The following CCSER1 variants were observed in gnomAD, a reference collection of about 807,000 sequenced individuals.
CCSER1 encodes serine-rich coiled-coil domain-containing protein 1.
Under a neutral mutation model 82.0 loss-of-function variants are expected in CCSER1, and 41 were observed. The ratio of observed to expected loss-of-function variants is 0.50; its 90% CI spans 0.39 to 0.65. The LOEUF (loss-of-function observed/expected upper bound fraction) is 0.65. CCSER1 is among the 30% of genes least tolerant of loss of function. The pLI, the probability that CCSER1 is intolerant of heterozygous loss-of-function variation, is 0.00. For missense variants in CCSER1, 1,119 were observed against 1,064.2 expected, an observed-to-expected ratio of 1.05 and a Z score of -0.72; for synonymous variants, 414 against 383.9, an observed-to-expected ratio of 1.08 and a Z score of -0.92.
intron 5 of CCSER1, among the ~76,000 whole-genome samples, chr4:90,566,447 G>T (rs1023355952): frequency 5.3e-5 from 8 of 150,928 alleles, no homozygotes; most frequent in African/African-American, 1.9e-4. Context: ...AAAAAAAGTA[G>T]CTAAGCCATC....
chr4:91,292,017 A>T (rs1178821212), intron 10 of CCSER1, among the ~76,000 whole-genome samples: 1 of 152,010 alleles, frequency 6.6e-6, no homozygotes, highest in Non-Finnish European at 1.5e-5. Flanking sequence ...TTAAAGCATC[A>T]TGTCCTCTTC....
intron 2 of CCSER1, 51 bp from the exon 3 acceptor site, chr4:90,312,812 A>C: frequency 7.3e-7 from 1 of 1,365,198 alleles, no homozygotes; most frequent in Non-Finnish European, 1.0e-6. Context: ...ACATTTGTAA[A>C]AACTACATTT....
At chr4:91,165,693 C>T (rs1031303896) in intron 10 of CCSER1, among the ~76,000 whole-genome samples, 18 of 152,242 alleles carry the variant, frequency 1.2e-4, no homozygotes, top group South Asian at 2.1e-4. Flanking sequence ...CAGACTGCTG[C>T]GCTAGCAGTC....
intron 10 of CCSER1, among the ~76,000 whole-genome samples, chr4:91,135,194 T>C (rs1371673561): frequency 6.6e-6 from 1 of 152,190 alleles, no homozygotes; most frequent in Admixed American, 6.5e-5. Flanking sequence ...CAAGTCAACA[T>C]ATTTTTAATA....
intron 10 of CCSER1, among the ~76,000 whole-genome samples, chr4:91,242,600 A>G (rs1739455149): frequency 6.6e-6 from 1 of 152,196 alleles, no homozygotes; most frequent in Non-Finnish European, 1.5e-5. Flanking sequence ...TGAGTTTTAG[A>G]TACAATACCA....
intron 10 of CCSER1, among the ~76,000 whole-genome samples, chr4:91,229,340 G>C (rs1738443525): frequency 6.7e-6 from 1 of 148,744 alleles, no homozygotes; most frequent in Non-Finnish European, 1.5e-5. Flanking sequence ...ATTACTTCTA[G>C]ATATGTTTTG....
At chr4:90,225,107 A>G (rs1044566758) in intron 1 of CCSER1, among the ~76,000 whole-genome samples, 3 of 151,486 alleles carry the variant, frequency 2.0e-5, no homozygotes, top group Admixed American at 1.3e-4. Flanking sequence ...TCCATTGCCC[A>G]GGCTGGAGTG....
intron 8 of CCSER1, among the ~76,000 whole-genome samples, chr4:90,920,393 C>T (rs1728203996): frequency 6.6e-6 from 1 of 151,980 alleles, no homozygotes; most frequent in African/African-American, 2.4e-5. Context: ...TGAGTTACCA[C>T]TCTAATCTCA....
intron 10 of CCSER1, among the ~76,000 whole-genome samples, chr4:91,353,335 C>T (rs569442919): frequency 6.6e-6 from 1 of 152,246 alleles, no homozygotes; most frequent in African/African-American, 2.4e-5. Flanking sequence ...GCTGCATGCA[C>T]CAGTGGTCAG....
At chr4:90,810,832 CTT>C (rs375997127) in intron 7 of CCSER1, among the ~76,000 whole-genome samples, 5 of 113,586 alleles carry the variant, frequency 4.4e-5, no homozygotes, top group African/African-American at 6.9e-5. Context: ...AAGAGTAATT[CTT>C]TTTTTTTTTT....
Position 90,345,490 on chromosome 4 carries a change from A to G in CCSER1, c.1509+32443A>G, listed in dbSNP as rs534339473. 8.5e-5 allele frequency among the ~76,000 whole-genome samples: 13 copies of G among 152,202 alleles called. 1 individual carries two copies. In the South Asian group the frequency reaches 2.5e-3, roughly 29 times the overall value. ...AACAAATTTTAAATTCTACTTGGTT[A>G]TTCTCAGGACCAAAAGGTGATAATT... On this transcript the variant is annotated intron_variant, in intron 3 of 10. Coordinates refer to ENST00000509176, the MANE Select transcript of CCSER1 (RefSeq NM_001145065.2).
intron 5 of CCSER1, among the ~76,000 whole-genome samples, chr4:90,560,432 T>C (rs1723430476): frequency 6.6e-6 from 1 of 152,096 alleles, no homozygotes; most frequent in Admixed American, 6.6e-5. Context: ...ATTTTACCGG[T>C]TGGCTCCAAA....
At chr4:90,295,448 A>C (rs1304962373) in intron 1 of CCSER1, among the ~76,000 whole-genome samples, 1 of 152,020 alleles carries the variant, frequency 6.6e-6, no homozygotes, top group African/African-American at 2.4e-5. Flanking sequence ...TTCCTTTTCT[A>C]TAAATTTCCT....
chr4:90,296,332 T>A (rs759783671), intron 1 of CCSER1, among the ~76,000 whole-genome samples: 22 of 152,148 alleles, frequency 1.4e-4, no homozygotes, highest in Non-Finnish European at 2.4e-4. Context: ...CTTTGCCCAC[T>A]TTTTGATGGG....
At chr4:90,959,756 T>TTGG (rs1248169244) in intron 9 of CCSER1, among the ~76,000 whole-genome samples, 1 of 141,188 alleles carries the variant, frequency 7.1e-6, no homozygotes, top group East Asian at 2.1e-4. Flanking sequence ...TTTTTTTTCG[T>TTGG]TTGTTTTCTC....
At chr4:91,016,465 T>C (rs1739440527) in intron 9 of CCSER1, among the ~76,000 whole-genome samples, 1 of 152,030 alleles carries the variant, frequency 6.6e-6, no homozygotes, top group Non-Finnish European at 1.5e-5. Flanking sequence ...ATTGTCAAAA[T>C]TAACTTCCTT....
chr4:90,949,928 C>A (rs1382736587), intron 9 of CCSER1, among the ~76,000 whole-genome samples: 1 of 152,066 alleles, frequency 6.6e-6, no homozygotes, highest in Non-Finnish European at 1.5e-5. Flanking sequence ...AAAAAACTTG[C>A]CTGCTGTCAC....
chr4:91,365,993 T>A (rs999562907), intron 10 of CCSER1, among the ~76,000 whole-genome samples: 6 of 152,162 alleles, frequency 3.9e-5, no homozygotes, highest in African/African-American at 1.4e-4. Context: ...TCATAGCCAA[T>A]AATATTTCTT....
chr4:91,568,788 C>T (rs1304921497), intron 10 of CCSER1, among the ~76,000 whole-genome samples: 2 of 151,210 alleles, frequency 1.3e-5, no homozygotes, highest in Non-Finnish European at 3.0e-5. Flanking sequence ...GTTTAGCCAT[C>T]TCCTGAATCT....
Sources: allele counts gnomAD v4.1 joint callset (sites outside exome capture counted in the v4.1 genomes callset), GRCh38; gene constraint gnomAD v4.1.1; transcripts MANE v1.5; gene names NCBI Gene and HGNC (gene_info 2026-07-23, HGNC 2026-07-21).